The following KDM7A variants were observed in gnomAD, a reference collection of about 807,000 sequenced individuals.
KDM7A encodes lysine-specific demethylase 7A.
A neutral mutation model predicts 114.8 loss-of-function variants in KDM7A; 28 were observed. That is an observed-to-expected ratio of 0.24 (90% CI 0.18 to 0.33). KDM7A has a LOEUF of 0.33. Among genes scored for constraint, KDM7A ranks in the 10% least tolerant of loss-of-function variants. The pLI, the probability that KDM7A is intolerant of heterozygous loss-of-function variation, is 1.00. For synonymous variants in KDM7A, 423 were observed against 397.8 expected (o/e 1.06, Z -0.75); for missense variants, 942 against 1,142.5 (o/e 0.82, Z 2.53).
At chr7:140,093,890 G>A (rs1670991757) in intron 18 of KDM7A, among the ~76,000 whole-genome samples, 166 bp downstream of exon 18, 1 of 152,038 alleles carries the variant, frequency 6.6e-6, no homozygotes, top group Admixed American at 6.6e-5. Flanking sequence ...TATCATTTCG[G>A]CATCTCTCAA....
At chr7:140,173,575 A>C (rs1377191899) in intron 1 of KDM7A, among the ~76,000 whole-genome samples, 2 of 152,126 alleles carry the variant, frequency 1.3e-5, no homozygotes, top group Non-Finnish European at 2.9e-5. Context: ...TAAAGAAATA[A>C]AGTTAACAAG....
intron 1 of KDM7A, among the ~76,000 whole-genome samples, chr7:140,172,929 C>T (rs1282911281): frequency 6.6e-6 from 1 of 152,146 alleles, no homozygotes; most frequent in Non-Finnish European, 1.5e-5. Context: ...ATTCTTTATA[C>T]TTTTCTGTAC....
intron 1 of KDM7A, among the ~76,000 whole-genome samples, chr7:140,166,778 T>G (rs1794580853): frequency 6.6e-6 from 1 of 152,210 alleles, no homozygotes; most frequent in African/African-American, 2.4e-5. Context: ...ACGAGAGGTA[T>G]AAGCCTGTGC....
intron 3 of KDM7A, among the ~76,000 whole-genome samples, chr7:140,132,660 A>G (rs1818806964): frequency 1.3e-5 from 2 of 152,248 alleles, no homozygotes; most frequent in African/African-American, 4.8e-5. Context: ...AATCACGTGG[A>G]AACACTACAT....
intron 1 of KDM7A, among the ~76,000 whole-genome samples, chr7:140,145,514 G>A (rs1794330776): frequency 6.6e-6 from 1 of 152,226 alleles, no homozygotes; most frequent in Non-Finnish European, 1.5e-5. Context: ...GAAACAGTGT[G>A]TGGCTAAAGG....
intron 1 of KDM7A, among the ~76,000 whole-genome samples, chr7:140,149,025 A>G (rs1439179588): frequency 6.6e-6 from 1 of 152,114 alleles, no homozygotes; most frequent in Non-Finnish European, 1.5e-5. Flanking sequence ...CCTACCTCCA[A>G]CAGCAGGGCT....
chr7:140,152,673 C>T (rs1031509247), intron 1 of KDM7A, among the ~76,000 whole-genome samples: 5 of 151,714 alleles, frequency 3.3e-5, no homozygotes, highest in African/African-American at 1.2e-4. Flanking sequence ...AAGTATCCAT[C>T]AATAGCAAAA....
At chr7:140,119,749 A>G (rs958830688) in intron 8 of KDM7A, among the ~76,000 whole-genome samples, 2 of 152,182 alleles carry the variant, frequency 1.3e-5, no homozygotes, top group African/African-American at 4.8e-5. Context: ...TATGCCCTGT[A>G]AAAGCCACTA....
intron 1 of KDM7A, among the ~76,000 whole-genome samples, chr7:140,144,643 CAAT>C (rs1279875965): frequency 6.6e-6 from 1 of 151,998 alleles, no homozygotes; most frequent in Non-Finnish European, 1.5e-5. Context: ...CTAAGAAACA[CAAT>C]AAGATTGCTA....
At chr7:140,097,898 T>A (rs62491381) in intron 14 of KDM7A, among the ~76,000 whole-genome samples, 3 of 152,230 alleles carry the variant, frequency 2.0e-5, no homozygotes, top group Non-Finnish European at 4.4e-5. Context: ...CTTACTTGGA[T>A]GGATTGACTG....
chr7:140,166,489 C>T (rs964895686), intron 1 of KDM7A, among the ~76,000 whole-genome samples: 1 of 151,732 alleles, frequency 6.6e-6, no homozygotes, highest in African/African-American at 2.4e-5. Flanking sequence ...ACAGGCACTC[C>T]CCACAATGCC....
intron 9 of KDM7A, among the ~76,000 whole-genome samples, chr7:140,116,655 T>C (rs187554240): frequency 2.0e-5 from 3 of 152,298 alleles, no homozygotes; most frequent in Admixed American, 2.0e-4. Context: ...TGTGTGTGTA[T>C]GCAGTGCGTG....
chr7:140,110,584 C>A (rs1395746637), intron 11 of KDM7A, among the ~76,000 whole-genome samples: 1 of 152,138 alleles, frequency 6.6e-6, no homozygotes, highest in African/African-American at 2.4e-5. Flanking sequence ...AACACCCTTT[C>A]TTAAACACCG....
intron 1 of KDM7A, among the ~76,000 whole-genome samples, chr7:140,175,466 T>C (rs1794692721): frequency 6.6e-6 from 1 of 152,122 alleles, no homozygotes; most frequent in Non-Finnish European, 1.5e-5. Context: ...GTGAGCGTGC[T>C]CTCGCCAAGA....
intron 4 of KDM7A, among the ~76,000 whole-genome samples, chr7:140,129,160 C>T (rs1818750034): frequency 6.6e-6 from 1 of 152,188 alleles, no homozygotes; most frequent in South Asian, 2.1e-4. Context: ...CAGATGCCTA[C>T]AACCAATCCA....
intron 11 of KDM7A, among the ~76,000 whole-genome samples, chr7:140,103,616 C>A (rs1321368740): frequency 6.6e-6 from 1 of 152,160 alleles, no homozygotes; most frequent in Admixed American, 6.5e-5. Flanking sequence ...CCAGTTTCAT[C>A]CATGTCCCTA....
Position 140,086,250 on chromosome 7 carries a change from A to G in KDM7A, c.*4844T>C, listed in dbSNP as rs1220259217. On this transcript the variant is annotated 3_prime_UTR_variant, in exon 20 of 20. Transcript: ENST00000397560. ...CAGATAAACTTGGAAGAATCACTGA[A>G]TACAGTTTCGAAAGGTTTTAACAAC... 6.6e-6 allele frequency: 1 copy of G among 152,214 alleles called. No individual in the cohort carries two copies. The highest frequency in any genetic ancestry group is 1.5e-5 in the Non-Finnish European group (1 of 68,048). The allele number at this position is 152,214 out of a possible 1,614,324, so 9.4% of individuals were successfully genotyped here. A position where few individuals can be genotyped will look rare whatever the true frequency, so the allele number is the denominator to read the frequency against.
chr7:140,157,988 AAATAAAT>A (rs1238527747), intron 1 of KDM7A, among the ~76,000 whole-genome samples: 48 of 114,440 alleles, frequency 4.2e-4, no homozygotes, highest in African/African-American at 6.9e-4. Context: ...ATAAATAAAT[AAATAAAT>A]AATAATAATA....
rs1021797537 is a variant in KDM7A, at chr7:140,087,906, A to G, written c.*3188T>C. The G allele has an allele frequency of 6.6e-6, 1 of 152,234 alleles. No homozygotes were observed. The highest frequency in any genetic ancestry group is 1.5e-5 in the Non-Finnish European group (1 of 68,040). 9.4% of individuals were successfully genotyped at this position (152,234 alleles called of 1,614,324 possible). ...ATGTTTGCTTAGAAGTGAAAATAAT[A>G]CTGCTAATTTCCTGGAGAAGATACC... On this transcript the variant is annotated 3_prime_UTR_variant, in exon 20 of 20. Coordinates refer to ENST00000397560, the MANE Select transcript of KDM7A (RefSeq NM_030647.2).
Sources: gnomAD v4.1 joint callset for allele counts (sites outside exome capture counted in the v4.1 genomes callset) on GRCh38, gnomAD v4.1.1 for gene constraint, MANE v1.5 for transcripts, NCBI Gene and HGNC (gene_info 2026-07-23, HGNC 2026-07-21) for gene names.